The following KIAA1217 variants were observed in gnomAD, a reference collection of about 807,000 sequenced individuals.
The protein encoded by KIAA1217 is sickle tail protein homolog.
A neutral mutation model predicts 163.9 loss-of-function variants in KIAA1217; 88 were observed. The observed-to-expected ratio is 0.54, with a 90% CI of 0.45 to 0.64. KIAA1217 has a LOEUF of 0.64. KIAA1217 is among the 30% of genes least tolerant of loss of function. The pLI is 0.00. For synonymous variants in KIAA1217, 903 were observed against 923.1 expected, an observed-to-expected ratio of 0.98 and a Z score of 0.39; for missense variants, 2,372 against 2,475.0, an observed-to-expected ratio of 0.96 and a Z score of 0.88.
chr10:23,912,276 G>A (rs1239985835), intron 1 of KIAA1217, among the ~76,000 whole-genome samples: 1 of 152,062 alleles, frequency 6.6e-6, no homozygotes, highest in African/African-American at 2.4e-5. Context: ...TAAAAGTCTG[G>A]AAGCAGCAAA....
At chr10:24,443,194 G>A (rs536932753) in intron 5 of KIAA1217, among the ~76,000 whole-genome samples, 7 of 152,194 alleles carry the variant, frequency 4.6e-5, no homozygotes, top group South Asian at 2.1e-4. Flanking sequence ...GGGCTACTGC[G>A]CCTGGACAGT....
chr10:24,357,951 G>A (rs896861827), intron 2 of KIAA1217, among the ~76,000 whole-genome samples: 15 of 152,112 alleles, frequency 9.9e-5, no homozygotes, highest in Non-Finnish European at 2.1e-4. Flanking sequence ...GAGGCTGTAG[G>A]CACCACTGCC....
intron 1 of KIAA1217, among the ~76,000 whole-genome samples, chr10:23,808,501 T>C (rs1588862812): frequency 6.6e-6 from 1 of 152,078 alleles, no homozygotes; most frequent in East Asian, 1.9e-4. Flanking sequence ...TAAAAGAGCA[T>C]TTGAAAATAA....
At chr10:24,270,687 C>A (rs2131951004) in intron 2 of KIAA1217, among the ~76,000 whole-genome samples, 1 of 152,222 alleles carries the variant, frequency 6.6e-6, no homozygotes, top group African/African-American at 2.4e-5. Context: ...ATTACGGGCG[C>A]CTGCCTCCAC....
chr10:24,239,315 C>T, intron 2 of KIAA1217: 1 of 985,156 alleles, frequency 1.0e-6, no homozygotes, highest in Non-Finnish European at 1.2e-6. Flanking sequence ...ACTGCCGCCT[C>T]ACCTGTGGAG....
chr10:24,220,019 A>T, intron 2 of KIAA1217, 110 bp downstream of exon 2: 1 of 1,166,884 alleles, frequency 8.6e-7, no homozygotes, highest in Non-Finnish European at 1.2e-6. Flanking sequence ...TGGACTGTGC[A>T]TACTATTTAG....
At chr10:24,216,330 C>T (rs924933602) in intron 1 of KIAA1217, among the ~76,000 whole-genome samples, 24 of 152,240 alleles carry the variant, frequency 1.6e-4, no homozygotes, top group African/African-American at 5.1e-4. Flanking sequence ...AGGCAGGATG[C>T]GACTTTCTGC....
intron 10 of KIAA1217, among the ~76,000 whole-genome samples, chr10:24,518,026 G>T (rs191400510): frequency 2.6e-5 from 4 of 152,002 alleles, no homozygotes; most frequent in African/African-American, 9.6e-5. Context: ...AAAGAAATTG[G>T]GTCTAGATAA....
rs773395001 is a variant in KIAA1217, at chr10:24,527,941, A to C, written c.2904A>C (p.Ala968=). Residue 968 remains alanine, a synonymous_variant, in exon 14 of 21, where the codon GCA becomes GCC. Transcript: ENST00000376454. The part of the protein sequence containing the change: ...AKNRAVSIEK[A]EKKWEEKRQN... ...TACGTGCTATATTCCTCCAGAAAGC[A>C]GAAAAGAAATGGGAGGAAAAAAGGC... is the stretch of plus-strand genomic sequence containing the variant. The C allele has an allele frequency of 1.9e-6, 3 of 1,613,344 alleles. No individual in the cohort carries two copies. The highest frequency in any genetic ancestry group is 2.5e-6 in the Non-Finnish European group (3 of 1,179,566).
chr10:24,026,873 G>A (rs1385021984), intron 2 of KIAA1217, among the ~76,000 whole-genome samples: 1 of 149,784 alleles, frequency 6.7e-6, no homozygotes, highest in Non-Finnish European at 1.5e-5. Context: ...AATAGTTATG[G>A]TATAAGCTAT....
intron 2 of KIAA1217, among the ~76,000 whole-genome samples, chr10:24,024,113 TAA>T (rs1216138631): frequency 1.1e-4 from 16 of 151,680 alleles, no homozygotes; most frequent in East Asian, 1.9e-4. Context: ...TAAAATCTCC[TAA>T]GTTTTATTTT....
chr10:23,881,900 A>T (rs1840964625), intron 1 of KIAA1217, among the ~76,000 whole-genome samples: 1 of 151,814 alleles, frequency 6.6e-6, no homozygotes, highest in Admixed American at 6.6e-5. Context: ...GTCCTGGCTT[A>T]TGTTCTGATG....
chr10:24,005,407 A>T (rs547978263), intron 1 of KIAA1217, among the ~76,000 whole-genome samples: 11 of 152,268 alleles, frequency 7.2e-5, no homozygotes, highest in African/African-American at 2.4e-4. Context: ...TACTATTACC[A>T]TTATTCTAAT....
At chr10:24,327,013 G>A (rs2045011408) in intron 2 of KIAA1217, among the ~76,000 whole-genome samples, 1 of 151,988 alleles carries the variant, frequency 6.6e-6, no homozygotes, top group South Asian at 2.1e-4. Flanking sequence ...TTTAATTATT[G>A]CTTCTTAGTG....
intron 2 of KIAA1217, among the ~76,000 whole-genome samples, chr10:24,377,114 C>T (rs1295900935): frequency 6.6e-6 from 1 of 152,132 alleles, no homozygotes; most frequent in Non-Finnish European, 1.5e-5. Flanking sequence ...AGAGAGACCC[C>T]TTCGAAGAAG....
intron 2 of KIAA1217, among the ~76,000 whole-genome samples, chr10:24,300,467 A>G (rs1312636571): frequency 6.6e-6 from 1 of 152,148 alleles, no homozygotes; most frequent in Non-Finnish European, 1.5e-5. Flanking sequence ...ATTGAGTAGT[A>G]TAAATATATC....
In KIAA1217 at chr10:24,460,431, G is replaced by A. The variant is rs76768279; in HGVS notation, c.847-12797G>A. 5.3e-3 allele frequency among the ~76,000 whole-genome samples: 803 copies of A among 152,128 alleles called. 12 individuals carry two copies. The highest frequency in any genetic ancestry group is 0.018 in the African/African-American group (762 of 41,492). On this transcript the variant is annotated intron_variant, in intron 5 of 20. Coordinates refer to ENST00000376454, the MANE Select transcript of KIAA1217 (RefSeq NM_019590.5). ...GGCTCTTCTGAACCCAGGAAGAATG[G>A]GCATGAGGGCTTTTTTAATCTAGGT...
In KIAA1217 at chr10:23,824,081, G is replaced by T. The variant is rs141286596; in HGVS notation, c.-321+128847G>T. Among the ~76,000 whole-genome samples the T allele has an allele frequency of 5.9e-5, 9 of 152,020 alleles. 1 individual carries two copies. The East Asian group carries it at 1.6e-3, about 26-fold the overall frequency. On this transcript the variant is annotated intron_variant, in intron 1 of 18. Coordinates refer to the KIAA1217 transcript ENST00000376462. ...GAGCCCAGGAGTTCAACACCAGCCTGGGAAATACAGTGAAACCCCATCTCT... is the reference window on the plus strand; with the variant it reads ...GAGCCCAGGAGTTCAACACCAGCCTTGGAAATACAGTGAAACCCCATCTCT...
chr10:24,480,956 G>C (rs536551418), intron 6 of KIAA1217, among the ~76,000 whole-genome samples: 5 of 152,246 alleles, frequency 3.3e-5, no homozygotes, highest in African/African-American at 1.2e-4. Context: ...TAGGTTCAGG[G>C]CATCCTTTTA....
Sources: gnomAD v4.1 joint callset for allele counts (sites outside exome capture counted in the v4.1 genomes callset) on GRCh38, gnomAD v4.1.1 for gene constraint, MANE v1.5 for transcripts, NCBI Gene and HGNC (gene_info 2026-07-23, HGNC 2026-07-21) for gene names.